Variants in RP1 observed in about 807,000 individuals in gnomAD.
RP1 encodes oxygen-regulated protein 1.
Under a neutral mutation model 14.8 loss-of-function variants are expected in RP1, and 16 were observed. That is an observed-to-expected ratio of 1.08 (90% confidence interval 0.73 to 1.65). The LOEUF is 1.65. Among genes scored for constraint, RP1 ranks in the 40% most tolerant of loss-of-function variants. The pLI, the probability that RP1 is intolerant of heterozygous loss-of-function variation, is 0.00. For synonymous variants in RP1, 876 were observed against 883.6 expected, an observed-to-expected ratio of 0.99 and a Z score of 0.15; for missense variants, 2,631 against 2,535.0, an observed-to-expected ratio of 1.04 and a Z score of -0.81.
chr8:54,641,836 T>A (rs1398689931), intron 3 of RP1, among the ~76,000 whole-genome samples: 1 of 152,220 alleles, frequency 6.6e-6, no homozygotes, highest in Non-Finnish European at 1.5e-5. Context: ...GAATGTATTA[T>A]TTCTGTTTTC....
At chr8:54,723,318 G>A (rs898649295) in intron 16 of RP1, among the ~76,000 whole-genome samples, 1 of 152,046 alleles carries the variant, frequency 6.6e-6, no homozygotes, top group Non-Finnish European at 1.5e-5. Context: ...AAATAGAGTC[G>A]ATAGATTTCT....
At chr8:54,770,763 T>A (rs1390722889), downstream of RP1, among the ~76,000 whole-genome samples, 3 of 151,654 alleles carry the variant, frequency 2.0e-5, no homozygotes, top group Non-Finnish European at 4.4e-5. Context: ...TATATTAACT[T>A]CTTTTAATTG....
intron 24 of RP1, among the ~76,000 whole-genome samples, chr8:54,817,945 T>G (rs958160193): frequency 6.6e-6 from 1 of 152,222 alleles, no homozygotes; most frequent in African/African-American, 2.4e-5. Flanking sequence ...TATGAAAGCA[T>G]AACTGGGAAA....
Position 54,626,000 on chromosome 8 carries a change from T to C in RP1, c.2118T>C (p.Gly706=). The C allele has an allele frequency of 6.2e-7, 1 of 1,613,754 alleles. No homozygotes were observed. Among genetic ancestry groups the C allele is most frequent in the Non-Finnish European group, 8.5e-7 (1 of 1,179,870 alleles). The change falls in exon 4 of 4, where the codon GGT becomes GGC. Residue 706 remains glycine, a synonymous_variant. Coordinates refer to ENST00000220676, the MANE Select transcript of RP1 (RefSeq NM_006269.2). ...LNKNERINTK[G]RITKEMIVQD... ...AGAATGAGAGAATAAACACAAAAGG[T>C]AGAATTACAAAGGAAATGATAGTGC...
chr8:54,636,315 A>G (rs1806344286), intron 3 of RP1, among the ~76,000 whole-genome samples: 1 of 152,254 alleles, frequency 6.6e-6, no homozygotes, highest in Non-Finnish European at 1.5e-5. Context: ...ATAAAGAGGC[A>G]TCCCATGGAA....
chr8:54,793,791 A>T (rs892143361), intron 24 of RP1, among the ~76,000 whole-genome samples: 1 of 152,002 alleles, frequency 6.6e-6, no homozygotes, highest in East Asian at 1.9e-4. Context: ...TACTCTTGCT[A>T]CTTCTATTTA....
intron 19 of RP1, among the ~76,000 whole-genome samples, chr8:54,752,178 T>C (rs1371879598): frequency 1.3e-5 from 2 of 152,250 alleles, no homozygotes; most frequent in Non-Finnish European, 2.9e-5. Context: ...GTTAAATTTC[T>C]AGAGCATATT....
At chr8:54,656,805 G>A (rs966062662) in intron 6 of RP1, among the ~76,000 whole-genome samples, 1 of 122,902 alleles carries the variant, frequency 8.1e-6, no homozygotes, top group Non-Finnish European at 1.8e-5. Context: ...GGGGGAGAAC[G>A]GGATAAGGGC....
At chr8:54,853,293 G>T (rs960461906) in intron 26 of RP1, among the ~76,000 whole-genome samples, 30 of 152,236 alleles carry the variant, frequency 2.0e-4, no homozygotes, top group African/African-American at 7.0e-4. Context: ...TCAGGGACAG[G>T]TCCTGCAGCT....
chr8:54,684,792 T>C (rs576399546), intron 12 of RP1, among the ~76,000 whole-genome samples: 1 of 152,210 alleles, frequency 6.6e-6, no homozygotes, highest in Non-Finnish European at 1.5e-5. Context: ...ATATACACCA[T>C]GGAATACTAT....
chr8:54,814,004 A>G (rs1013941733), intron 24 of RP1, among the ~76,000 whole-genome samples: 3 of 152,320 alleles, frequency 2.0e-5, no homozygotes, highest in East Asian at 1.9e-4. Context: ...TCTTTTGTAA[A>G]TAGGGAGAAT....
intron 1 of RP1, among the ~76,000 whole-genome samples, chr8:54,583,359 T>G (rs145319474): frequency 2.6e-5 from 4 of 151,992 alleles, no homozygotes; most frequent in African/African-American, 9.7e-5. Flanking sequence ...CCCACTTGAT[T>G]GTGGTGGATA....
intron 12 of RP1, among the ~76,000 whole-genome samples, chr8:54,693,453 T>C (rs1328316775): frequency 1.3e-5 from 2 of 152,188 alleles, no homozygotes; most frequent in Non-Finnish European, 2.9e-5. Flanking sequence ...CCCATGAGTA[T>C]GGAATGTTCT....
rs192873087 is a variant in RP1, at chr8:54,674,236, T to C, written c.1402+308T>C. ...GACATGTGATGGCATTCCAGCATGG[T>C]AGTTAGTGGTGGAGGCAGCAGTCGT... On this transcript the variant is annotated intron_variant, in intron 8 of 22. Coordinates refer to the RP1 transcript ENST00000636932. 2.6e-5 allele frequency among the ~76,000 whole-genome samples: 4 copies of C among 152,124 alleles called. No homozygotes were observed. The East Asian group carries it at 7.7e-4, about 29-fold the overall frequency.
At chr8:54,680,963 A>G (rs573587876) in intron 12 of RP1, among the ~76,000 whole-genome samples, 2 of 149,914 alleles carry the variant, frequency 1.3e-5, no homozygotes, top group African/African-American at 4.9e-5. Flanking sequence ...GTCTCGGACA[A>G]AAAAAAAAAA....
chr8:54,770,443 ACTT>A (rs551647933), downstream of RP1, among the ~76,000 whole-genome samples: 84 of 151,602 alleles, frequency 5.5e-4, no homozygotes, highest in African/African-American at 1.9e-3. Flanking sequence ...AATTATATTA[ACTT>A]CTTTTTTTTC....
intron 24 of RP1, among the ~76,000 whole-genome samples, chr8:54,799,284 C>G (rs911557975): frequency 6.6e-6 from 1 of 151,932 alleles, no homozygotes; most frequent in African/African-American, 2.4e-5. Context: ...TACATTCATT[C>G]AAAAAACATT....
At chr8:54,673,811 T>G (rs1807234254) in intron 7 of RP1, 1 of 1,436,078 alleles carries the variant, frequency 7.0e-7, no homozygotes. Flanking sequence ...AAATCAGAGT[T>G]ATAGTCTAGA....
At chr8:54,691,535 G>A (rs1324799604) in intron 12 of RP1, among the ~76,000 whole-genome samples, 1 of 152,018 alleles carries the variant, frequency 6.6e-6, no homozygotes, top group Non-Finnish European at 1.5e-5. Flanking sequence ...ACCTGATGCT[G>A]AGCGAGAGAT....
Sources: gnomAD v4.1 joint callset for allele counts (sites outside exome capture counted in the v4.1 genomes callset) on GRCh38, gnomAD v4.1.1 for gene constraint, MANE v1.5 for transcripts, NCBI Gene and HGNC (gene_info 2026-07-23, HGNC 2026-07-21) for gene names.